The following PCDHA9 variants were observed in gnomAD, a reference collection of about 807,000 sequenced individuals.
PCDHA9 encodes protocadherin alpha-9.
In PCDHA9, 62 loss-of-function variants were observed where a neutral mutation model predicts 62.0. The ratio of observed to expected loss-of-function variants is 1.00; its 90% CI spans 0.81 to 1.23. The LOEUF is 1.23. Among genes scored for constraint, PCDHA9 ranks in the 50% most tolerant of loss-of-function variants. The probability of loss-of-function intolerance (pLI) is 0.00; values close to 1 mark genes in which losing one functional copy is unlikely to be tolerated. For missense variants in PCDHA9, 1,205 were observed against 1,249.8 expected (o/e 0.96, Z 0.54); for synonymous variants, 557 against 567.6 (o/e 0.98, Z 0.27).
At position 140,851,979 on chromosome 5, in the gene PCDHA9, G is replaced by A. The variant is rs117939942; in HGVS notation, c.2394+1090G>A. 36 of 976,672 alleles carry A rather than the reference G, an allele frequency of 3.7e-5. No individual in the cohort carries two copies. In the East Asian group the frequency reaches 3.7e-3, roughly 102 times the overall value. 60.5% of individuals were successfully genotyped at this position (976,672 alleles called of 1,614,324 possible). ...GGTGGTTTTCCACACTCTACCTTTA[G>A]TGCAAGCTATTTGTTTGTTTTCTAA... On this transcript the variant is annotated intron_variant, in intron 1 of 3. Coordinates refer to ENST00000532602, the MANE Select transcript of PCDHA9 (RefSeq NM_031857.2).
At chr5:140,998,903 G>A (rs1465203456) in intron 3 of PCDHA9, among the ~76,000 whole-genome samples, 9 of 152,156 alleles carry the variant, frequency 5.9e-5, no homozygotes, top group African/African-American at 1.7e-4. Flanking sequence ...CAATGCCTCC[G>A]GGAGGTAGCT....
intron 1 of PCDHA9, chr5:140,883,975 G>A (rs1167945773): frequency 1.2e-6 from 2 of 1,612,842 alleles, no homozygotes; most frequent in African/African-American, 2.7e-5. Flanking sequence ...TGACGCCCGG[G>A]GCTGGCAGCG....
At chr5:140,978,566 T>G (rs1554239422) in intron 1 of PCDHA9, among the ~76,000 whole-genome samples, 1 of 152,204 alleles carries the variant, frequency 6.6e-6, no homozygotes, top group East Asian at 1.9e-4. Flanking sequence ...ATAGCTGTAA[T>G]ACTGAATTGG....
chr5:141,000,389 C>CTATATA (rs2097911342), intron 3 of PCDHA9, among the ~76,000 whole-genome samples: 2 of 62,586 alleles, frequency 3.2e-5, no homozygotes, highest in African/African-American at 7.0e-5. Flanking sequence ...CTCTCTCTCT[C>CTATATA]TCTCTCTATA....
intron 1 of PCDHA9, among the ~76,000 whole-genome samples, chr5:140,938,949 G>A (rs943956831): frequency 6.6e-6 from 1 of 152,028 alleles, no homozygotes; most frequent in Non-Finnish European, 1.5e-5. Flanking sequence ...TTCTTATAAT[G>A]CTCTAGTCGG....
intron 1 of PCDHA9, chr5:140,969,335 A>G (rs782267073): frequency 1.2e-6 from 2 of 1,614,012 alleles, no homozygotes; most frequent in Admixed American, 3.3e-5. Context: ...AAATGAGGTG[A>G]GACAGTGGTC....
intron 1 of PCDHA9, among the ~76,000 whole-genome samples, chr5:140,913,572 TCAAA>T (rs150264547): frequency 6.6e-6 from 1 of 152,264 alleles, no homozygotes; most frequent in East Asian, 1.9e-4. Context: ...TTTCATCATT[TCAAA>T]TATATTTCTG....
At chr5:140,920,835 C>T (rs1253933771) in intron 1 of PCDHA9, among the ~76,000 whole-genome samples, 1 of 141,740 alleles carries the variant, frequency 7.1e-6, no homozygotes, top group Non-Finnish European at 1.5e-5. Flanking sequence ...GGAGCAAGAC[C>T]AAATCTAAAA....
At chr5:141,009,551 C>G (rs551736337) in intron 3 of PCDHA9, 76 bp from the exon 4 acceptor site, 1 of 1,561,992 alleles carries the variant, frequency 6.4e-7, no homozygotes, top group East Asian at 2.2e-5. Flanking sequence ...ATGCAGTACT[C>G]CTGTACTCTA....
chr5:140,985,236 C>G (rs1338808702), intron 3 of PCDHA9, among the ~76,000 whole-genome samples: 1 of 152,184 alleles, frequency 6.6e-6, no homozygotes, highest in Admixed American at 6.5e-5. Context: ...CGCGCCTGGC[C>G]TAATCTTCTT....
intron 3 of PCDHA9, among the ~76,000 whole-genome samples, chr5:141,008,045 CAG>C (rs1416741468): frequency 2.0e-5 from 3 of 151,924 alleles, no homozygotes; most frequent in South Asian, 2.1e-4. Context: ...CCTTTTGTAA[CAG>C]GGGTCCAGTC....
chr5:140,927,825 GGCGAGGGA>G (rs782044178), intron 1 of PCDHA9: 1 of 1,614,098 alleles, frequency 6.2e-7, no homozygotes, highest in Non-Finnish European at 8.5e-7. Context: ...CATACATTGA[GGCGAGGGA>G]CGAAGGTGTC....
chr5:140,927,918 CCTGA>C, intron 1 of PCDHA9: 1 of 1,614,220 alleles, frequency 6.2e-7, no homozygotes, highest in Non-Finnish European at 8.5e-7. Context: ...AACTGGACTT[CCTGA>C]CTCTTTCGAA....
chr5:140,862,949 C>G lies in PCDHA9; in HGVS notation c.2394+12060C>G, dbSNP rs541015740. The G allele has an allele frequency of 9.9e-5, 54 of 542,878 alleles. 1 individual carries two copies. The highest frequency in any genetic ancestry group is 8.3e-4 in the African/African-American group (44 of 52,750). 33.6% of individuals were successfully genotyped at this position (542,878 alleles called of 1,614,324 possible). A position where few individuals can be genotyped will look rare whatever the true frequency, so the allele number is the denominator to read the frequency against. ...TGGCGGCGCTGTGAGTGAGCTGGTG[C>G]GGTATTCAGTGGATGCAGGCCACTT... On this transcript the variant is annotated intron_variant, in intron 1 of 3. Coordinates refer to ENST00000532602, the MANE Select transcript of PCDHA9 (RefSeq NM_031857.2).
chr5:140,919,666 A>G (rs1247598579), intron 1 of PCDHA9, among the ~76,000 whole-genome samples: 1 of 152,154 alleles, frequency 6.6e-6, no homozygotes. Context: ...TATATATTTT[A>G]GCTTATTGGT....
chr5:140,927,564 G>A (rs868927450), intron 1 of PCDHA9: 1 of 1,614,150 alleles, frequency 6.2e-7, no homozygotes, highest in South Asian at 1.1e-5. Context: ...TCATTGTGGT[G>A]GACACAAATG....
intron 1 of PCDHA9, among the ~76,000 whole-genome samples, chr5:140,971,561 A>G (rs367567903): frequency 1.3e-3 from 195 of 152,186 alleles, no homozygotes; most frequent in African/African-American, 4.3e-3. Context: ...TTAAATTCCC[A>G]TGTTGGGCTT....
At chr5:140,944,383 C>T (rs1344204416) in intron 1 of PCDHA9, among the ~76,000 whole-genome samples, 1 of 152,084 alleles carries the variant, frequency 6.6e-6, no homozygotes, top group African/African-American at 2.4e-5. Context: ...GATGGAGTCT[C>T]ACTGTGTTAT....
At chr5:140,853,186 T>A (rs1319210557) in intron 1 of PCDHA9, 2 of 978,922 alleles carry the variant, frequency 2.0e-6, no homozygotes, top group African/African-American at 3.5e-5. Flanking sequence ...GCCTAAAATG[T>A]GTTCTTTATT....
Sources: allele counts gnomAD v4.1 joint callset (sites outside exome capture counted in the v4.1 genomes callset), GRCh38; gene constraint gnomAD v4.1.1; transcripts MANE v1.5; gene names NCBI Gene and HGNC (gene_info 2026-07-23, HGNC 2026-07-21).